RIMBP2: variants seen among roughly 807,000 people sequenced by gnomAD.
RIMBP2 encodes the protein RIMS binding protein 2.
Under a neutral mutation model 118.6 loss-of-function variants are expected in RIMBP2, and 48 were observed. That is an observed-to-expected ratio of 0.40 (90% CI 0.32 to 0.51). The LOEUF (loss-of-function observed/expected upper bound fraction) is 0.51. Ranked by LOEUF, RIMBP2 falls within the 20% of genes least tolerant of loss-of-function variation. The probability of loss-of-function intolerance (pLI) is 0.41; values close to 1 mark genes in which losing one functional copy is unlikely to be tolerated. For missense variants in RIMBP2, 1,551 were observed against 1,768.3 expected (o/e 0.88, Z 2.20); for synonymous variants, 762 against 742.9 (o/e 1.03, Z -0.42).
Position 130,649,259 on chromosome 12 carries a change from G to A in RIMBP2, c.-351-20803C>T, listed in dbSNP as rs372667685. On this transcript the variant is annotated intron_variant, in intron 1 of 22. Coordinates refer to ENST00000690449, the MANE Select transcript of RIMBP2 (RefSeq NM_001393629.1). ...AGTAAGGCGCTGGAATGTGGGGCTT[G>A]CTGCGACGTACGTTTCTCTCCTCCT... 2.3e-4 allele frequency among the ~76,000 whole-genome samples: 25 copies of A among 111,026 alleles called. 1 individual carries two copies. In the East Asian group the frequency reaches 2.3e-3, roughly 10 times the overall value. The allele number at this position is 111,026 out of a possible 152,430, so 72.8% of individuals were successfully genotyped here.
At chr12:130,512,637 A>C (rs2051038721) in intron 3 of RIMBP2, among the ~76,000 whole-genome samples, 1 of 152,134 alleles carries the variant, frequency 6.6e-6, no homozygotes, top group Non-Finnish European at 1.5e-5. Context: ...TCCCTGTCCC[A>C]TTGCTCCTGG....
chr12:130,566,693 C>A (rs2057245157), intron 2 of RIMBP2, among the ~76,000 whole-genome samples: 1 of 152,230 alleles, frequency 6.6e-6, no homozygotes, highest in African/African-American at 2.4e-5. Context: ...GACTGCACAT[C>A]TCGTGAGAAG....
chr12:130,585,801 G>A (rs540831545), intron 2 of RIMBP2, among the ~76,000 whole-genome samples: 6 of 152,244 alleles, frequency 3.9e-5, no homozygotes, highest in Non-Finnish European at 5.9e-5. Context: ...ACCACTCCCC[G>A]CTGCCCTGGA....
At chr12:130,464,376 A>G (rs2080268415) in intron 6 of RIMBP2, among the ~76,000 whole-genome samples, 1 of 152,232 alleles carries the variant, frequency 6.6e-6, no homozygotes, top group African/African-American at 2.4e-5. Context: ...CACTGGCTGA[A>G]TACCTACTAT....
intron 2 of RIMBP2, among the ~76,000 whole-genome samples, chr12:130,626,289 G>A (rs1436024682): frequency 7.9e-5 from 12 of 152,120 alleles, no homozygotes; most frequent in Admixed American, 7.9e-4. Context: ...ACACATACTG[G>A]CTGGATCCAT....
intron 6 of RIMBP2, among the ~76,000 whole-genome samples, chr12:130,468,358 C>T (rs2080693924): frequency 6.6e-6 from 1 of 152,168 alleles, no homozygotes; most frequent in African/African-American, 2.4e-5. Flanking sequence ...TTGGGCCCCT[C>T]CCTGAGGGGT....
chr12:130,630,955 G>GA (rs1159939952), intron 1 of RIMBP2, among the ~76,000 whole-genome samples: 107 of 147,378 alleles, frequency 7.3e-4, no homozygotes, highest in Admixed American at 2.0e-3. Context: ...AACAAGTGGG[G>GA]AAAAAAAAAA....
intron 2 of RIMBP2, among the ~76,000 whole-genome samples, chr12:130,616,504 A>G (rs753573894): frequency 6.6e-6 from 1 of 152,214 alleles, no homozygotes; most frequent in Non-Finnish European, 1.5e-5. Flanking sequence ...AAACCTGTCT[A>G]CAAGGCAGGA....
chr12:130,569,794 C>A (rs190014795), intron 2 of RIMBP2, among the ~76,000 whole-genome samples: 2 of 152,194 alleles, frequency 1.3e-5, no homozygotes, highest in South Asian at 2.1e-4. Flanking sequence ...GTACACCCTG[C>A]AGAACCATGA....
At chr12:130,400,777 C>G (rs745314736) in intron 21 of RIMBP2, among the ~76,000 whole-genome samples, 69 of 152,232 alleles carry the variant, frequency 4.5e-4, no homozygotes, top group African/African-American at 1.7e-3. Context: ...TCAAAAAACC[C>G]AATTAAAGAC....
rs1566009223 is a variant in RIMBP2 at position 130,424,322 on chromosome 12, G to A, written c.2949C>T (p.Leu983=). The A allele has an allele frequency of 8.1e-7, 1 of 1,231,694 alleles. No homozygotes were observed. The highest frequency in any genetic ancestry group is 4.2e-5 in the Admixed American group (1 of 23,710). 76.3% of individuals were successfully genotyped at this position (1,231,694 alleles called of 1,614,324 possible). Residue 983 remains leucine, a synonymous_variant, in exon 16 of 23, where the codon CTC becomes CTT. Coordinates refer to ENST00000690449, the MANE Select transcript of RIMBP2 (RefSeq NM_001393629.1). The surrounding 1 kb of genome is among the most constrained non-coding windows in gnomAD (Gnocchi z 9.8). ...DFGEQVGPGG[L]LRNDDPQPGP... The stretch of plus-strand genomic sequence containing the variant: ...CGGGCTGGGGGTCGTCGTTCCTGAG[G>A]AGGCCACCAGGGCCCACCTGCTCCC...
intron 1 of RIMBP2, among the ~76,000 whole-genome samples, chr12:130,677,386 A>G (rs1401049234): frequency 9.9e-5 from 15 of 152,118 alleles, no homozygotes; most frequent in South Asian, 2.1e-4. Context: ...CCAGCACTTT[A>G]GAAGGCCAAG....
chr12:130,566,629 T>C (rs2139986916), intron 2 of RIMBP2, among the ~76,000 whole-genome samples: 2 of 152,232 alleles, frequency 1.3e-5, no homozygotes, highest in Middle Eastern at 6.8e-3. Context: ...TTGGAAGTGA[T>C]CCATCACCAG....
chr12:130,581,390 A>G lies in RIMBP2; in HGVS notation c.-217+46932T>C, dbSNP rs1348002850. Among the ~76,000 whole-genome samples, 4 of 152,276 alleles carry G rather than the reference A, an allele frequency of 2.6e-5. No individual in the cohort carries two copies. Among genetic ancestry groups the G allele is most frequent in the African/African-American group, 9.6e-5 (4 of 41,552 alleles). ...CTGCTGTCTTAAGAGTTGATTTTAC[A>G]TAAACTCCAAAAGTTCCATCTCCAT... On this transcript the variant is annotated intron_variant, in intron 2 of 22. Transcript: ENST00000690449. The surrounding 1 kb of genome is among the most constrained non-coding windows in gnomAD (Gnocchi z 4.4).
chr12:130,402,391 C>T (rs746064528), intron 21 of RIMBP2, among the ~76,000 whole-genome samples: 9 of 152,206 alleles, frequency 5.9e-5, no homozygotes, highest in South Asian at 2.1e-4. Flanking sequence ...GCAGTCAGAA[C>T]GCTGGATAAG....
chr12:130,627,761 C>A (rs2061732408), intron 2 of RIMBP2, among the ~76,000 whole-genome samples: 1 of 152,150 alleles, frequency 6.6e-6, no homozygotes, highest in South Asian at 2.1e-4. Flanking sequence ...GGTCCTGCTG[C>A]CCCAATATAT....
rs968165201 is a variant in RIMBP2, at chr12:130,688,868, G to A, written c.-352+27354C>T. Among the ~76,000 whole-genome samples, 1 of 152,220 alleles carries A rather than the reference G, an allele frequency of 6.6e-6. No homozygotes were observed. The highest frequency in any genetic ancestry group is 1.5e-5 in the Non-Finnish European group (1 of 68,042). ...CTCTGCAAAACGCTGGCTGAAACGT[G>A]GGCCTCACGTTGCCTGAGGCAGCCC... On this transcript the variant is annotated intron_variant, in intron 1 of 22. Coordinates refer to ENST00000690449, the MANE Select transcript of RIMBP2 (RefSeq NM_001393629.1). This position sits in a 1 kb window ranked among gnomAD's most constrained non-coding sequence, Gnocchi z 4.7.
chr12:130,472,848 T>C (rs773055099), intron 5 of RIMBP2, among the ~76,000 whole-genome samples: 14 of 152,164 alleles, frequency 9.2e-5, no homozygotes, highest in Non-Finnish European at 2.1e-4. Context: ...GCTGGGCAAG[T>C]GACTGGAACA....
At chr12:130,532,481 T>G (rs571736591) in intron 2 of RIMBP2, among the ~76,000 whole-genome samples, 682 of 110,516 alleles carry the variant, frequency 6.2e-3, no homozygotes, top group African/African-American at 0.022. Context: ...CCTCTAGGAG[T>G]TACGTCTAAT....
Sources: gnomAD v4.1 joint callset for allele counts (sites outside exome capture counted in the v4.1 genomes callset) on GRCh38, gnomAD v4.1.1 for gene constraint, Gnocchi (gnomAD v3.1) non-coding constraint, MANE v1.5 for transcripts, NCBI Gene and HGNC (gene_info 2026-07-23, HGNC 2026-07-21) for gene names.